The following CFHR3 variants were observed in gnomAD, a reference collection of about 807,000 sequenced individuals.
CFHR3 encodes the protein complement factor H related 3.
CFHR3 carries 22 observed loss-of-function variants against 36.0 expected under a neutral mutation model. The observed-to-expected ratio is 0.61, with a 90% confidence interval of 0.44 to 0.87. CFHR3 has a LOEUF of 0.87. Ranked by LOEUF, CFHR3 falls within the 40% of genes least tolerant of loss-of-function variation. The pLI is 0.00. For synonymous variants in CFHR3, 97 were observed against 137.4 expected, an observed-to-expected ratio of 0.71 and a Z score of 2.06; for missense variants, 276 against 401.3, an observed-to-expected ratio of 0.69 and a Z score of 2.67.
rs1384023779 is a variant in CFHR3, at chr1:196,783,539, T to C, written c.430+3566T>C. On this transcript the variant is annotated intron_variant, in intron 3 of 5. Transcript: ENST00000367425. ...TTCCTGGTTTAGTCTTGGGAGAGTGTATGTGTCAAGGAATTTATCCATTTC... is the reference window on the plus strand; with the variant it reads ...TTCCTGGTTTAGTCTTGGGAGAGTGCATGTGTCAAGGAATTTATCCATTTC... Among the ~76,000 whole-genome samples the C allele has an allele frequency of 2.6e-4, 34 of 130,674 alleles. 10 individuals carry two copies. The highest frequency in any genetic ancestry group is 1.2e-3 in the African/African-American group (34 of 29,256). The allele number at this position is 130,674 out of a possible 152,430, so 85.7% of individuals were successfully genotyped here. A position where few individuals can be genotyped will look rare whatever the true frequency, so the allele number is the denominator to read the frequency against.
intron 3 of CFHR3, among the ~76,000 whole-genome samples, chr1:196,786,122 T>A (rs1341743596): frequency 7.3e-6 from 1 of 136,690 alleles, no homozygotes; most frequent in Non-Finnish European, 1.6e-5. Context: ...CAGCGGATTT[T>A]CATGAACCGC....
chr1:196,789,368 TC>T, intron 4 of CFHR3: 2 of 901,712 alleles, frequency 2.2e-6, no homozygotes, highest in Non-Finnish European at 2.6e-6. Context: ...TTATATGAAT[TC>T]CTACATTTCT....
rs1296596201 is a variant in CFHR3 at position 196,778,335 on chromosome 1, C to T, written c.59-827C>T. 1.1e-4 allele frequency among the ~76,000 whole-genome samples: 15 copies of T among 136,956 alleles called. 1 individual carries two copies. Among genetic ancestry groups the T allele is most frequent in the Admixed American group, 2.1e-4 (3 of 14,174 alleles). 89.8% of individuals were successfully genotyped at this position (136,956 alleles called of 152,430 possible). On this transcript the variant is annotated intron_variant, in intron 1 of 5. Coordinates refer to ENST00000367425, the MANE Select transcript of CFHR3 (RefSeq NM_021023.6). Reference sequence around the variant, plus strand: ...AGCTGTTGTGCCGCTAGCCTCCTTCCCGTTCTCTCTGATTTATGATGATTC... The same window carrying T: ...AGCTGTTGTGCCGCTAGCCTCCTTCTCGTTCTCTCTGATTTATGATGATTC...
intron 1 of CFHR3, among the ~76,000 whole-genome samples, chr1:196,778,650 G>A (rs1337177541): frequency 7.4e-6 from 1 of 135,578 alleles, no homozygotes; most frequent in Non-Finnish European, 1.6e-5. Context: ...CAAACAAAAT[G>A]CCACAAAACT....
In CFHR3 at chr1:196,775,084, G is replaced by C. The variant is rs1489850330; in HGVS notation, c.58+140G>C. On this transcript the variant is annotated intron_variant, in intron 1 of 5. Coordinates refer to ENST00000367425, the MANE Select transcript of CFHR3 (RefSeq NM_021023.6). The stretch of plus-strand genomic sequence containing the variant: ...CTAGTAGAAGTGACATATTTTGTGA[G>C]AGTATAACAGAAATTAATTTTATAA... 1.7e-5 allele frequency: 12 copies of C among 686,906 alleles called. 1 individual carries two copies. Among genetic ancestry groups the C allele is most frequent in the South Asian group, 1.4e-4 (6 of 43,634 alleles). 42.6% of individuals were successfully genotyped at this position (686,906 alleles called of 1,614,324 possible).
At chr1:196,782,039 G>A (rs567598417) in intron 3 of CFHR3, among the ~76,000 whole-genome samples, 2 of 137,270 alleles carry the variant, frequency 1.5e-5, no homozygotes, top group South Asian at 5.0e-4. Context: ...TGTTTTCCCA[G>A]CAACATTTAT....
chr1:196,783,412 G>A (rs377034368), intron 3 of CFHR3, among the ~76,000 whole-genome samples: 6 of 132,146 alleles, frequency 4.5e-5, no homozygotes, highest in East Asian at 3.9e-4. Context: ...GGTAGAATTC[G>A]GCTGTGAATC....
chr1:196,779,918 C>CGT lies in CFHR3; in HGVS notation c.375_376insGT (p.Thr126ValfsTer27). 1 of 1,533,124 alleles carries CGT rather than the reference C, an allele frequency of 6.5e-7. No homozygotes were observed. The highest frequency in any genetic ancestry group is 8.8e-7 in the Non-Finnish European group (1 of 1,133,384). 95.0% of individuals were successfully genotyped at this position (1,533,124 alleles called of 1,614,324 possible). A position where few individuals can be genotyped will look rare whatever the true frequency, so the allele number is the denominator to read the frequency against. ...GCTACGGTCTTCCAAAAGCGCAGACCACAGTTACATGTACGGAGAAAGGCT... is the reference window on the plus strand; with the variant it reads ...GCTACGGTCTTCCAAAAGCGCAGACCGTACAGTTACATGTACGGAGAAAGGCT... On this transcript the variant is annotated frameshift_variant, in exon 3 of 6. Transcript: ENST00000367425. LOFTEE classifies it high-confidence loss of function.
rs868651278 is a variant in CFHR3, at chr1:196,790,465, G to A, written c.796+238G>A. Among the ~76,000 whole-genome samples, 69 of 134,156 alleles carry A rather than the reference G, an allele frequency of 5.1e-4. 12 individuals carry two copies. Among genetic ancestry groups the A allele is most frequent in the African/African-American group, 2.2e-3 (68 of 31,604 alleles). The allele number at this position is 134,156 out of a possible 152,430, so 88.0% of individuals were successfully genotyped here. ...ATGTCGGCCTGGGGTGGTGGCTCAC[G>A]CCTGTAGTCCCAGCACTTTGGAAGG... On this transcript the variant is annotated intron_variant, in intron 5 of 5. Coordinates refer to ENST00000367425, the MANE Select transcript of CFHR3 (RefSeq NM_021023.6).
chr1:196,784,479 G>C (rs1393941442), intron 3 of CFHR3, among the ~76,000 whole-genome samples: 4 of 135,596 alleles, frequency 2.9e-5, no homozygotes, highest in Non-Finnish European at 6.2e-5. Context: ...TTATGAATCT[G>C]GGTGCTCCTG....
At chr1:196,785,235 C>T (rs1328151890) in intron 3 of CFHR3, among the ~76,000 whole-genome samples, 4 of 136,176 alleles carry the variant, frequency 2.9e-5, no homozygotes, top group Non-Finnish European at 4.7e-5. Context: ...CTGCCCTTAA[C>T]ATTTTTTCCT....
Position 196,789,504 on chromosome 1 carries a change from C to T in CFHR3, c.614-541C>T. The T allele has an allele frequency of 2.0e-6, 2 of 979,360 alleles. 1 individual carries two copies. The highest frequency in any genetic ancestry group is 4.4e-5 in the African/African-American group (2 of 45,538). The allele number at this position is 979,360 out of a possible 1,614,324, so 60.7% of individuals were successfully genotyped here. A position where few individuals can be genotyped will look rare whatever the true frequency, so the allele number is the denominator to read the frequency against. On this transcript the variant is annotated intron_variant, in intron 4 of 5. Transcript: ENST00000367425. Reference sequence around the variant, plus strand: ...AACTTGTGAAATAAAAGACAGGATGCTTCATAAATTTTATAGAACTTATAT... The same window carrying T: ...AACTTGTGAAATAAAAGACAGGATGTTTCATAAATTTTATAGAACTTATAT...
At position 196,786,467 on chromosome 1, in the gene CFHR3, C is replaced by G. The variant is rs1212500105; in HGVS notation, c.431-1749C>G. Among the ~76,000 whole-genome samples the G allele has an allele frequency of 2.2e-5, 3 of 136,040 alleles. 1 individual carries two copies. Among genetic ancestry groups the G allele is most frequent in the Non-Finnish European group, 3.1e-5 (2 of 64,344 alleles). The allele number at this position is 136,040 out of a possible 152,430, so 89.2% of individuals were successfully genotyped here. ...TGTGGTGGGCTCCACCCAGTTCGAG[C>G]TTCCTGGCTGCTTTGTTTACCTAAG... On this transcript the variant is annotated intron_variant, in intron 3 of 5. Transcript: ENST00000367425.
chr1:196,778,626 C>T lies in CFHR3; in HGVS notation c.59-536C>T, dbSNP rs1316026409. Among the ~76,000 whole-genome samples, 9 of 135,730 alleles carry T rather than the reference C, an allele frequency of 6.6e-5. 2 individuals are homozygous for T. Among genetic ancestry groups the T allele is most frequent in the Non-Finnish European group, 1.1e-4 (7 of 64,316 alleles). 89.0% of individuals were successfully genotyped at this position (135,730 alleles called of 152,430 possible). A position where few individuals can be genotyped will look rare whatever the true frequency, so the allele number is the denominator to read the frequency against. On this transcript the variant is annotated intron_variant, in intron 1 of 5. Transcript: ENST00000367425. ...ATGAATTCTAACTATGGTAAGAATG[C>T]ATGCCATCGAATACAAACAAAATGC...
rs1486860839 is a variant in CFHR3 at position 196,775,300 on chromosome 1, AG to A, written c.58+360del. Among the ~76,000 whole-genome samples the A allele has an allele frequency of 2.9e-5, 4 of 136,876 alleles. 1 individual carries two copies. The highest frequency in any genetic ancestry group is 1.2e-4 in the African/African-American group (4 of 32,968). The allele number at this position is 136,876 out of a possible 152,430, so 89.8% of individuals were successfully genotyped here. ...TCAGAATTTTCCTATACGTAATACA[AG>A]GGGAACATTGGGAGTGACTGATGTT... On this transcript the variant is annotated intron_variant, in intron 1 of 5. Coordinates refer to ENST00000367425, the MANE Select transcript of CFHR3 (RefSeq NM_021023.6).
chr1:196,788,683 A>C, intron 4 of CFHR3: 1 of 1,454,406 alleles, frequency 6.9e-7, no homozygotes, highest in Non-Finnish European at 9.1e-7. Context: ...TATCAGCAAA[A>C]TATGTTAGTT....
chr1:196,785,661 C>T (rs1305438457), intron 3 of CFHR3, among the ~76,000 whole-genome samples: 1 of 137,246 alleles, frequency 7.3e-6, no homozygotes, highest in East Asian at 1.9e-4. Context: ...CCACCAGCTC[C>T]TTTAAGCACT....
chr1:196,790,079 T>C lies in CFHR3; in HGVS notation c.648T>C (p.Ile216=). ...AAAAGTGTGGGCCTCCTCCACCTAT[T>C]AGCAATGGTGATACCACCTCCTTTC... ...SSEKCGPPPP[I]SNGDTTSFLL... Residue 216 remains isoleucine, a synonymous_variant, in exon 5 of 6, where the codon ATT becomes ATC. Coordinates refer to ENST00000367425, the MANE Select transcript of CFHR3 (RefSeq NM_021023.6). The C allele has an allele frequency of 7.4e-7, 1 of 1,358,588 alleles. No homozygotes were observed. The highest frequency in any genetic ancestry group is 1.4e-5 in the South Asian group (1 of 71,004). The allele number at this position is 1,358,588 out of a possible 1,614,324, so 84.2% of individuals were successfully genotyped here.
intron 3 of CFHR3, among the ~76,000 whole-genome samples, chr1:196,781,414 A>C: frequency 7.4e-6 from 1 of 135,196 alleles, no homozygotes; most frequent in African/African-American, 3.1e-5. Context: ...TTACAGTCCC[A>C]CCAATGGTGT....
Sources: allele counts gnomAD v4.1 joint callset (sites outside exome capture counted in the v4.1 genomes callset), GRCh38; gene constraint gnomAD v4.1.1; transcripts MANE v1.5; gene names NCBI Gene and HGNC (gene_info 2026-07-23, HGNC 2026-07-21).